Variants in TNFRSF11B observed in about 807,000 individuals in gnomAD.
TNFRSF11B encodes the protein TNF receptor superfamily member 11b, also known as tumor necrosis factor receptor superfamily member 11B.
A neutral mutation model predicts 43.4 loss-of-function variants in TNFRSF11B; 16 were observed. That is an observed-to-expected ratio of 0.37 (90% CI 0.25 to 0.56). The LOEUF is 0.56. TNFRSF11B is among the 20% of genes least tolerant of loss of function. The pLI is 0.80. For synonymous variants in TNFRSF11B, 185 were observed against 181.8 expected (o/e 1.02, Z -0.14); for missense variants, 444 against 490.1 (o/e 0.91, Z 0.89).
intron 1 of TNFRSF11B, among the ~76,000 whole-genome samples, chr8:118,945,237 T>C (rs1812539551): frequency 6.6e-6 from 1 of 151,452 alleles, no homozygotes. Flanking sequence ...GACAAGTCTG[T>C]TTGATATTTG....
chr8:118,926,451 G>A (rs763182383), intron 4 of TNFRSF11B, 43 bp downstream of exon 4: 5 of 1,508,572 alleles, frequency 3.3e-6, no homozygotes, highest in Non-Finnish European at 4.6e-6. Context: ...ATAAATAGGT[G>A]TCTTTGATTT....
intron 3 of TNFRSF11B, 23 bp from the exon 4 acceptor site, chr8:118,926,741 A>T: frequency 6.3e-7 from 1 of 1,596,646 alleles, no homozygotes; most frequent in Non-Finnish European, 8.6e-7. Context: ...TAGAAAACCC[A>T]GAAGATTTAC....
chr8:118,926,488 T>G lies in TNFRSF11B; in HGVS notation c.817+6A>C. On this transcript the variant is annotated splice_donor_region_variant and intron_variant, in intron 4 of 4. Coordinates refer to ENST00000297350, the MANE Select transcript of TNFRSF11B (RefSeq NM_002546.4). ...TGATTGATCTTTTTATTTTAGATTA[T>G]CATACCTTGGATGATCTTCTTGACT... The G allele has an allele frequency of 6.2e-7, 1 of 1,608,872 alleles. No homozygotes were observed. Among genetic ancestry groups the G allele is most frequent in the South Asian group, 1.1e-5 (1 of 90,968 alleles).
intron 1 of TNFRSF11B, among the ~76,000 whole-genome samples, chr8:118,948,477 C>T (rs1812597201): frequency 6.6e-6 from 1 of 152,092 alleles, no homozygotes; most frequent in South Asian, 2.1e-4. Flanking sequence ...AGCAAAAATA[C>T]CTGAGTGTGT....
At chr8:118,944,825 A>C (rs1442890101) in intron 1 of TNFRSF11B, among the ~76,000 whole-genome samples, 1 of 152,118 alleles carries the variant, frequency 6.6e-6, no homozygotes, top group Non-Finnish European at 1.5e-5. Flanking sequence ...TGTGAATACA[A>C]ATTCAAAGAA....
intron 2 of TNFRSF11B, among the ~76,000 whole-genome samples, chr8:118,929,996 G>A (rs1355765395): frequency 6.6e-6 from 1 of 152,124 alleles, no homozygotes; most frequent in African/African-American, 2.4e-5. Flanking sequence ...GGGCAAAATG[G>A]ACTGGTTCTA....
At chr8:118,938,186 T>C (rs902744635) in intron 1 of TNFRSF11B, among the ~76,000 whole-genome samples, 5 of 152,156 alleles carry the variant, frequency 3.3e-5, no homozygotes, top group Admixed American at 1.3e-4. Flanking sequence ...CTCGCTATGT[T>C]GCCCAGGCTG....
intron 2 of TNFRSF11B, among the ~76,000 whole-genome samples, chr8:118,932,053 A>G (rs755722574): frequency 1.1e-4 from 16 of 152,214 alleles, no homozygotes; most frequent in Non-Finnish European, 2.4e-4. Flanking sequence ...ATTTCTTAAA[A>G]TATCAGCAGG....
At chr8:118,938,179 G>A (rs946681595) in intron 1 of TNFRSF11B, among the ~76,000 whole-genome samples, 2 of 151,862 alleles carry the variant, frequency 1.3e-5, no homozygotes, top group Non-Finnish European at 2.9e-5. Context: ...ATGGGGTCTC[G>A]CTATGTTGCC....
At chr8:118,942,974 C>T (rs11573854) in intron 1 of TNFRSF11B, among the ~76,000 whole-genome samples, 2,966 of 152,206 alleles carry the variant, frequency 0.019, 49 homozygotes, top group Non-Finnish European at 0.027. Flanking sequence ...CCCACCTATT[C>T]ATCCATCCAT....
intron 1 of TNFRSF11B, among the ~76,000 whole-genome samples, chr8:118,946,289 C>T (rs1812560101): frequency 6.6e-6 from 1 of 152,040 alleles, no homozygotes; most frequent in African/African-American, 2.4e-5. Context: ...TTTAGAGAGG[C>T]CAGGTAAATG....
chr8:118,949,868 G>A (rs1161520058), intron 1 of TNFRSF11B, among the ~76,000 whole-genome samples: 1 of 152,048 alleles, frequency 6.6e-6, no homozygotes, highest in African/African-American at 2.4e-5. Flanking sequence ...TTTACAAAAG[G>A]GCATCTGGAC....
chr8:118,928,566 T>C (rs974247473), intron 3 of TNFRSF11B, among the ~76,000 whole-genome samples, 172 bp downstream of exon 3: 3 of 152,130 alleles, frequency 2.0e-5, no homozygotes, highest in Non-Finnish European at 4.4e-5. Context: ...TTTTGAGAGA[T>C]TCTGAGTGGT....
chr8:118,928,634 A>T (rs1394396509), intron 3 of TNFRSF11B, 104 bp downstream of exon 3: 1 of 1,278,552 alleles, frequency 7.8e-7, no homozygotes, highest in East Asian at 2.3e-5. Flanking sequence ...AAGAAAGGGA[A>T]AATGTAAGTT....
chr8:118,945,236 G>A (rs1316252130), intron 1 of TNFRSF11B, among the ~76,000 whole-genome samples: 2 of 151,638 alleles, frequency 1.3e-5, no homozygotes, highest in Non-Finnish European at 2.9e-5. Context: ...AGACAAGTCT[G>A]TTTGATATTT....
Position 118,928,839 on chromosome 8 carries a change from G to A in TNFRSF11B, c.491C>T (p.Thr164Ile), listed in dbSNP as rs776973170. ...CAGGAGACCAAAGACACTGCAATTT[G>A]TGTGTTTTCTACAGGGTGCTTTAGA... ...TSSKAPCRKH[T>I]NCSVFGLLLT... Residue 164 changes from threonine to isoleucine, a missense_variant, in exon 3 of 5, where the codon ACA becomes ATA. Transcript: ENST00000297350. 1 of 1,614,190 alleles carries A rather than the reference G, an allele frequency of 6.2e-7. No individual in the cohort carries two copies. Among genetic ancestry groups the A allele is most frequent in the Non-Finnish European group, 8.5e-7 (1 of 1,180,030 alleles).
intron 2 of TNFRSF11B, chr8:118,929,179 G>A (rs1179357274): frequency 1.9e-6 from 1 of 518,578 alleles, no homozygotes; most frequent in East Asian, 3.5e-5. Context: ...AAACGCTCAT[G>A]AAATGTGAGA....
In TNFRSF11B at chr8:118,924,651, T is replaced by C. The variant is rs1339303543; in HGVS notation, c.929A>G (p.Glu310Gly). 6.2e-7 allele frequency: 1 copy of C among 1,614,224 alleles called. No homozygotes were observed. Among genetic ancestry groups the C allele is most frequent in the South Asian group, 1.1e-5 (1 of 91,090 alleles). ...ESLPGKKVGA[E>G]DIEKTIKACK... ...TGCCTTTATTGTTTTTTCAATGTCT[T>C]CTGCTCCCACTTTCTTTCCCGGTAA... Residue 310 changes from glutamate (E) to glycine (G), a missense_variant, in exon 5 of 5, where the codon GAA becomes GGA. Transcript: ENST00000297350.
chr8:118,925,265 C>T (rs11573937), intron 4 of TNFRSF11B, among the ~76,000 whole-genome samples: 1 of 152,150 alleles, frequency 6.6e-6, no homozygotes, highest in Non-Finnish European at 1.5e-5. Flanking sequence ...GGTCGAGGAA[C>T]TAAAGGAGAC....
Sources: gnomAD v4.1 joint callset for allele counts (sites outside exome capture counted in the v4.1 genomes callset) on GRCh38, gnomAD v4.1.1 for gene constraint, MANE v1.5 for transcripts, NCBI Gene and HGNC (gene_info 2026-07-23, HGNC 2026-07-21) for gene names.